The following GRM5 variants were observed in gnomAD, a reference collection of about 807,000 sequenced individuals.
The protein encoded by GRM5 is metabotropic glutamate receptor 5.
GRM5 carries 19 observed loss-of-function variants against 83.1 expected under a neutral mutation model. That is an observed-to-expected ratio of 0.23 (90% confidence interval 0.16 to 0.34). The LOEUF (loss-of-function observed/expected upper bound fraction) is 0.34, where lower values mean the gene tolerates loss of function less well. Among genes scored for constraint, GRM5 ranks in the 10% least tolerant of loss-of-function variants. The probability of loss-of-function intolerance (pLI) is 1.00; values close to 1 mark genes in which losing one functional copy is unlikely to be tolerated. For missense variants in GRM5, 1,160 were observed against 1,588.3 expected, an observed-to-expected ratio of 0.73 and a Z score of 4.58; for synonymous variants, 675 against 633.6, an observed-to-expected ratio of 1.07 and a Z score of -0.98.
Position 88,567,404 on chromosome 11 carries a change from T to C in GRM5, c.2279A>G (p.Lys760Arg), listed in dbSNP as rs1942898674. Residue 760 changes from lysine to arginine, a missense_variant, in exon 8 of 10, where the codon AAG becomes AGG. By Grantham distance (26) the Lys-to-Arg change is conservative. Transcript: ENST00000305447. The surrounding 1 kb of genome is among the most constrained non-coding windows in gnomAD (Gnocchi z 7.3). ...GAAGTTAGCTGGAACATTTCTGGTC[T>C]TGAACGCATAGAAGGTGCAGCTCAA... ...LILSCTFYAF[K>R]TRNVPANFNE... 1 of 1,614,104 alleles carries C rather than the reference T, an allele frequency of 6.2e-7. No homozygotes were observed. Among genetic ancestry groups the C allele is most frequent in the Non-Finnish European group, 8.5e-7 (1 of 1,179,920 alleles).
chr11:88,790,182 G>A (rs1261087857), intron 3 of GRM5, among the ~76,000 whole-genome samples: 1 of 152,076 alleles, frequency 6.6e-6, no homozygotes, highest in African/African-American at 2.4e-5. Context: ...CAACTTCTAA[G>A]AATTCTCCCA....
chr11:88,918,451 TA>T (rs976488071), intron 2 of GRM5, among the ~76,000 whole-genome samples: 3 of 150,868 alleles, frequency 2.0e-5, no homozygotes, highest in Non-Finnish European at 4.4e-5. Flanking sequence ...TAAATTAATT[TA>T]AAAAAAAACC....
intron 8 of GRM5, among the ~76,000 whole-genome samples, chr11:88,554,616 T>C (rs1942584012): frequency 6.6e-6 from 1 of 152,182 alleles, no homozygotes; most frequent in South Asian, 2.1e-4. Context: ...TATCCCAAGT[T>C]CTTTTCTAAT....
intron 1 of GRM5, among the ~76,000 whole-genome samples, chr11:89,061,607 T>C (rs1941993677): frequency 6.6e-6 from 1 of 152,224 alleles, no homozygotes; most frequent in Non-Finnish European, 1.5e-5. Flanking sequence ...AAAGTCTGGA[T>C]AGTTTTTGCT....
chr11:88,631,885 C>A (rs879285149), intron 4 of GRM5, among the ~76,000 whole-genome samples: 2 of 151,962 alleles, frequency 1.3e-5, no homozygotes, highest in Admixed American at 1.3e-4. Flanking sequence ...TTCTTTGAAG[C>A]CTGAGAAATA....
At chr11:88,726,927 G>T (rs982686402) in intron 3 of GRM5, among the ~76,000 whole-genome samples, 3 of 152,120 alleles carry the variant, frequency 2.0e-5, no homozygotes, top group African/African-American at 7.2e-5. Context: ...ACCGGCCACT[G>T]CAAAAACATG....
chr11:88,967,269 ATATATAT>A (rs1565313027), intron 2 of GRM5, among the ~76,000 whole-genome samples: 47 of 103,786 alleles, frequency 4.5e-4, no homozygotes, highest in African/African-American at 1.7e-3. Flanking sequence ...ATATATATAT[ATATATAT>A]AAAATCTTCT....
At chr11:88,940,222 G>C (rs551828155) in intron 2 of GRM5, among the ~76,000 whole-genome samples, 1 of 150,552 alleles carries the variant, frequency 6.6e-6, no homozygotes, top group Non-Finnish European at 1.5e-5. Flanking sequence ...TTTTCTTTGT[G>C]TTCTAGCATC....
chr11:88,862,874 T>G (rs1299792322), intron 2 of GRM5, among the ~76,000 whole-genome samples: 3 of 152,062 alleles, frequency 2.0e-5, no homozygotes, highest in Non-Finnish European at 4.4e-5. Flanking sequence ...CATCTGACAA[T>G]GGTCTAATAT....
chr11:88,987,618 G>C (rs1224477237), intron 2 of GRM5, among the ~76,000 whole-genome samples: 3 of 152,070 alleles, frequency 2.0e-5, no homozygotes, highest in African/African-American at 7.3e-5. Context: ...TTGTCTGACA[G>C]CTTTGAAGAG....
intron 3 of GRM5, among the ~76,000 whole-genome samples, chr11:88,775,752 G>C (rs900966944): frequency 1.3e-5 from 2 of 152,166 alleles, no homozygotes; most frequent in African/African-American, 4.8e-5. Context: ...GAGCAGTTTT[G>C]AGTGAGTTTA....
chr11:88,748,319 G>C (rs1565212694), intron 3 of GRM5, among the ~76,000 whole-genome samples: 2 of 152,218 alleles, frequency 1.3e-5, no homozygotes, highest in South Asian at 2.1e-4. Context: ...CCTAGGAAGG[G>C]AGCTTAATCC....
At chr11:88,631,182 T>C (rs1938959635) in intron 4 of GRM5, among the ~76,000 whole-genome samples, 1 of 152,180 alleles carries the variant, frequency 6.6e-6, no homozygotes, top group African/African-American at 2.4e-5. Context: ...AAAATTGAAA[T>C]TAAAGTTAGC....
intron 3 of GRM5, among the ~76,000 whole-genome samples, chr11:88,727,484 A>T (rs573527695): frequency 6.6e-6 from 1 of 152,316 alleles, no homozygotes; most frequent in South Asian, 2.1e-4. Flanking sequence ...TCGATGAGAC[A>T]GAAAATTATC....
intron 2 of GRM5, among the ~76,000 whole-genome samples, chr11:88,949,046 T>C (rs1299137493): frequency 6.6e-6 from 1 of 152,188 alleles, no homozygotes; most frequent in Non-Finnish European, 1.5e-5. Flanking sequence ...CTCTTTACTG[T>C]CTAGATAGAA....
intron 3 of GRM5, among the ~76,000 whole-genome samples, chr11:88,847,990 G>T (rs1944326907): frequency 1.3e-5 from 2 of 152,162 alleles, no homozygotes; most frequent in African/African-American, 4.8e-5. Context: ...GAAAACAAAT[G>T]CTGCTGATTT....
chr11:88,746,258 C>T (rs1006370433), intron 3 of GRM5, among the ~76,000 whole-genome samples: 3 of 147,136 alleles, frequency 2.0e-5, no homozygotes, highest in East Asian at 2.0e-4. Flanking sequence ...GTTAATAATA[C>T]ATTTTTTTTG....
At chr11:88,645,544 T>C (rs958874602) in intron 4 of GRM5, among the ~76,000 whole-genome samples, 2 of 152,124 alleles carry the variant, frequency 1.3e-5, no homozygotes, top group African/African-American at 2.4e-5. Context: ...AGAATATAAA[T>C]GACCAATTTG....
At chr11:88,570,574 T>TAAA (rs1942974951) in intron 7 of GRM5, among the ~76,000 whole-genome samples, 1 of 61,444 alleles carries the variant, frequency 1.6e-5, no homozygotes, top group African/African-American at 8.9e-5. Context: ...TATATATATT[T>TAAA]TTTTTTTTTT....
Sources: allele counts gnomAD v4.1 joint callset (sites outside exome capture counted in the v4.1 genomes callset), GRCh38; gene constraint gnomAD v4.1.1; non-coding constraint Gnocchi (gnomAD v3.1); transcripts MANE v1.5; gene names NCBI Gene and HGNC (gene_info 2026-07-23, HGNC 2026-07-21).